The following CAST variants were observed in gnomAD, a reference collection of about 807,000 sequenced individuals.
CAST encodes the protein MIR583 host.
A neutral mutation model predicts 119.6 loss-of-function variants in CAST; 76 were observed. That is an observed-to-expected ratio of 0.64 (90% CI 0.53 to 0.77). CAST has a LOEUF of 0.77. CAST is among the 30% of genes least tolerant of loss of function. CAST has a pLI of 0.00. For missense variants in CAST, 953 were observed against 946.5 expected (o/e 1.01, Z -0.09); for synonymous variants, 319 against 331.6 (o/e 0.96, Z 0.41).
chr5:96,258,523 G>A, the CAST span, among the ~76,000 whole-genome samples: 7 of 152,092 alleles, frequency 4.6e-5, no homozygotes, highest in African/African-American at 9.7e-5. Flanking sequence ...AGTTGGCAGC[G>A]TTCCTCCTCA....
At chr5:96,101,470 C>T in the CAST span, among the ~76,000 whole-genome samples, 19 of 152,310 alleles carry the variant, frequency 1.2e-4, 1 homozygote, top group African/African-American at 3.6e-4. Flanking sequence ...ACAAATTTTA[C>T]GTATGTTACC....
chr5:96,758,800 C>G (rs1766967754), intron 24 of CAST, among the ~76,000 whole-genome samples: 1 of 152,082 alleles, frequency 6.6e-6, no homozygotes, highest in South Asian at 2.1e-4. Context: ...CCATACAGAC[C>G]ACATCACAGC....
In CAST at chr5:96,767,972, T is replaced by C. The variant is rs761817687; in HGVS notation, c.2241T>C (p.Thr747=). The change falls in exon 29 of 32, where the codon ACT becomes ACC. Residue 747 remains threonine, a synonymous_variant. Transcript: ENST00000675179. ...GAGATCTGGACAGCTGTCCCTCCAC[T>C]ACAGAAACCTCACAGAACACAGCAA... ...LSGDLDSCPS[T]TETSQNTAKD... is the part of the protein sequence containing the mutation. The C allele has an allele frequency of 2.6e-5, 42 of 1,612,876 alleles. No homozygotes were observed. The highest frequency in any genetic ancestry group is 3.4e-5 in the Non-Finnish European group (40 of 1,179,044).
chr5:96,342,571 G>A, the CAST span, among the ~76,000 whole-genome samples: 1 of 152,226 alleles, frequency 6.6e-6, no homozygotes, highest in African/African-American at 2.4e-5. Flanking sequence ...CCATATTTCA[G>A]GTCTATTTGG....
the CAST span, among the ~76,000 whole-genome samples, chr5:96,242,232 G>A: frequency 3.3e-5 from 5 of 151,724 alleles, no homozygotes; most frequent in Non-Finnish European, 5.9e-5. Context: ...ATCTTGAATT[G>A]ATTTTTGTAT....
intron 1 of CAST, among the ~76,000 whole-genome samples, chr5:96,542,283 C>T (rs1294891974): frequency 2.0e-5 from 3 of 149,078 alleles, no homozygotes; most frequent in Non-Finnish European, 4.4e-5. Flanking sequence ...TGCACTCCAG[C>T]CTGGGCGACA....
At chr5:96,618,621 C>T (rs940586985) in intron 1 of CAST, among the ~76,000 whole-genome samples, 1 of 152,252 alleles carries the variant, frequency 6.6e-6, no homozygotes, top group African/African-American at 2.4e-5. Context: ...GGGCTGGCCC[C>T]AGGCAGTGAG....
the CAST span, among the ~76,000 whole-genome samples, chr5:96,418,773 T>A: frequency 6.6e-6 from 1 of 152,200 alleles, no homozygotes; most frequent in Non-Finnish European, 1.5e-5. Flanking sequence ...ATGATAAGGA[T>A]GCCACCTTTT....
chr5:96,276,595 C>T, the CAST span, among the ~76,000 whole-genome samples: 2 of 152,114 alleles, frequency 1.3e-5, no homozygotes. Context: ...AATGGTCAGC[C>T]AAACATATTC....
At chr5:96,629,907 A>G (rs549209140) in intron 1 of CAST, among the ~76,000 whole-genome samples, 21 of 152,338 alleles carry the variant, frequency 1.4e-4, no homozygotes, top group African/African-American at 4.6e-4. Flanking sequence ...TTGCAAACAC[A>G]GATTTAAACC....
chr5:96,649,938 A>T (rs1022482464), intron 1 of CAST, among the ~76,000 whole-genome samples: 7 of 152,224 alleles, frequency 4.6e-5, no homozygotes, highest in African/African-American at 1.7e-4. Flanking sequence ...TCTGACAGAC[A>T]CTATTCTAAA....
the CAST span, among the ~76,000 whole-genome samples, chr5:95,982,055 G>A: frequency 6.6e-6 from 1 of 150,424 alleles, no homozygotes; most frequent in Non-Finnish European, 1.5e-5. Context: ...ATTACAGTTC[G>A]ATTACATATT....
intron 3 of CAST, among the ~76,000 whole-genome samples, chr5:96,712,848 A>AT (rs1470423670): frequency 6.6e-6 from 1 of 152,082 alleles, no homozygotes; most frequent in East Asian, 1.9e-4. Flanking sequence ...TTAATTAAGA[A>AT]TATTCTTCAG....
At chr5:96,562,999 A>G (rs539474829) in intron 1 of CAST, among the ~76,000 whole-genome samples, 1 of 152,306 alleles carries the variant, frequency 6.6e-6, no homozygotes, top group East Asian at 1.9e-4. Flanking sequence ...TCCTCCCTCT[A>G]AAGCAGGTTA....
chr5:96,404,191 G>T, the CAST span, among the ~76,000 whole-genome samples: 1 of 152,298 alleles, frequency 6.6e-6, no homozygotes, highest in East Asian at 1.9e-4. Context: ...AGGTGGATGA[G>T]GTTGTAGGAA....
chr5:96,348,693 A>G, the CAST span, among the ~76,000 whole-genome samples: 2 of 152,140 alleles, frequency 1.3e-5, no homozygotes, highest in African/African-American at 4.8e-5. Context: ...TCTGAAAGAA[A>G]GGACAGATGG....
At chr5:96,074,761 A>G in the CAST span, among the ~76,000 whole-genome samples, 1 of 152,226 alleles carries the variant, frequency 6.6e-6, no homozygotes, top group South Asian at 2.1e-4. Flanking sequence ...GTGACTTGCT[A>G]TCATCTCTAG....
the CAST span, among the ~76,000 whole-genome samples, chr5:96,167,892 T>TG: frequency 8.6e-5 from 13 of 151,334 alleles, no homozygotes; most frequent in South Asian, 6.3e-4. Flanking sequence ...GGGAAGTGGG[T>TG]GGGGGGGCCT....
chr5:96,191,071 A>C, the CAST span, among the ~76,000 whole-genome samples: 23 of 152,230 alleles, frequency 1.5e-4, no homozygotes, highest in Non-Finnish European at 4.4e-5. Flanking sequence ...CATTCTTTTT[A>C]TATGGCTGCA....
Sources: allele counts gnomAD v4.1 joint callset (sites outside exome capture counted in the v4.1 genomes callset), GRCh38; gene constraint gnomAD v4.1.1; transcripts MANE v1.5; gene names NCBI Gene and HGNC (gene_info 2026-07-23, HGNC 2026-07-21).